HS6ST3: variants seen among roughly 807,000 people sequenced by gnomAD.
HS6ST3 encodes heparan-sulfate 6-O-sulfotransferase 3.
HS6ST3 carries 12 observed loss-of-function variants against 36.7 expected under a neutral mutation model. The ratio of observed to expected loss-of-function variants is 0.33; its 90% CI spans 0.21 to 0.53. The LOEUF (loss-of-function observed/expected upper bound fraction) is 0.53, where lower values mean the gene tolerates loss of function less well. Ranked by LOEUF, HS6ST3 falls within the 20% of genes least tolerant of loss-of-function variation. The probability of loss-of-function intolerance (pLI) is 0.95; values close to 1 mark genes in which losing one functional copy is unlikely to be tolerated. For synonymous variants in HS6ST3, 240 were observed against 257.5 expected (o/e 0.93, Z 0.65); for missense variants, 584 against 640.9 (o/e 0.91, Z 0.96).
intron 1 of HS6ST3, among the ~76,000 whole-genome samples, chr13:96,601,883 T>C (rs2056422953): frequency 6.6e-6 from 1 of 152,188 alleles, no homozygotes; most frequent in African/African-American, 2.4e-5. Context: ...CTGTATAAGT[T>C]CGTTGTTTAT....
intron 1 of HS6ST3, among the ~76,000 whole-genome samples, chr13:96,450,143 G>A (rs1201557689): frequency 1.3e-5 from 2 of 152,124 alleles, no homozygotes; most frequent in Admixed American, 1.3e-4. Flanking sequence ...TTGCTCAATG[G>A]CAGGTCAGTG....
At chr13:96,437,660 A>T (rs191878698) in intron 1 of HS6ST3, among the ~76,000 whole-genome samples, 1 of 152,334 alleles carries the variant, frequency 6.6e-6, no homozygotes, top group Non-Finnish European at 1.5e-5. Flanking sequence ...TTCAGAAATG[A>T]GGGGGACATT....
chr13:96,578,558 CTTATTTAT>C (rs1157270064), intron 1 of HS6ST3, among the ~76,000 whole-genome samples: 2 of 151,858 alleles, frequency 1.3e-5, no homozygotes, highest in Non-Finnish European at 2.9e-5. Flanking sequence ...CTTTTATTTA[CTTATTTAT>C]TTATTTATTT....
chr13:96,499,723 A>G (rs959457062), intron 1 of HS6ST3, among the ~76,000 whole-genome samples: 1 of 152,100 alleles, frequency 6.6e-6, no homozygotes, highest in Non-Finnish European at 1.5e-5. Context: ...GACCTGTGCA[A>G]TGAGGCCCAG....
chr13:96,123,552 C>T (rs937618455), intron 1 of HS6ST3, among the ~76,000 whole-genome samples: 5 of 152,112 alleles, frequency 3.3e-5, no homozygotes, highest in Non-Finnish European at 5.9e-5. Flanking sequence ...TTTCCTTTGT[C>T]TTATGTCAAC....
intron 1 of HS6ST3, among the ~76,000 whole-genome samples, chr13:96,434,140 A>C (rs994548743): frequency 6.6e-6 from 1 of 152,292 alleles, no homozygotes; most frequent in Non-Finnish European, 1.5e-5. Context: ...TCAGACTTTT[A>C]GCCTCCAAAT....
intron 1 of HS6ST3, among the ~76,000 whole-genome samples, chr13:96,294,146 A>G (rs948546176): frequency 1.3e-5 from 2 of 152,088 alleles, no homozygotes; most frequent in Admixed American, 6.6e-5. Context: ...ATTCTCTCTT[A>G]TTACACAGAG....
intron 1 of HS6ST3, among the ~76,000 whole-genome samples, chr13:96,546,474 G>A (rs1388541845): frequency 6.6e-6 from 1 of 152,132 alleles, no homozygotes; most frequent in Non-Finnish European, 1.5e-5. Flanking sequence ...AAATATGTAT[G>A]GAGGAGTTGG....
At chr13:96,543,357 G>C (rs900880583) in intron 1 of HS6ST3, among the ~76,000 whole-genome samples, 1 of 152,152 alleles carries the variant, frequency 6.6e-6, no homozygotes, top group Non-Finnish European at 1.5e-5. Context: ...GATCCAAATA[G>C]ACACTCAGCC....
At chr13:96,731,508 T>C (rs943158338) in intron 1 of HS6ST3, among the ~76,000 whole-genome samples, 1 of 152,178 alleles carries the variant, frequency 6.6e-6, no homozygotes, top group Non-Finnish European at 1.5e-5. Flanking sequence ...GATACTTAGG[T>C]TGATTCTGTA....
chr13:96,775,154 G>C (rs1199284741), intron 1 of HS6ST3, among the ~76,000 whole-genome samples: 1 of 151,978 alleles, frequency 6.6e-6, no homozygotes, highest in Non-Finnish European at 1.5e-5. Flanking sequence ...TCACTACCAG[G>C]CATGCCTTAT....
intron 1 of HS6ST3, among the ~76,000 whole-genome samples, chr13:96,303,896 A>G (rs2054895730): frequency 6.6e-6 from 1 of 152,168 alleles, no homozygotes. Context: ...TAATCCCAGT[A>G]GTTTGAGAGG....
chr13:96,263,671 T>A (rs1339916979), intron 1 of HS6ST3, among the ~76,000 whole-genome samples: 4 of 152,230 alleles, frequency 2.6e-5, no homozygotes, highest in African/African-American at 9.6e-5. Flanking sequence ...TTCTTAAGTA[T>A]TTAATGAATC....
At chr13:96,811,001 A>C (rs1878305903) in intron 1 of HS6ST3, among the ~76,000 whole-genome samples, 1 of 152,188 alleles carries the variant, frequency 6.6e-6, no homozygotes, top group South Asian at 2.1e-4. Flanking sequence ...AATTCTCTAG[A>C]GATCCCCCCT....
intron 1 of HS6ST3, among the ~76,000 whole-genome samples, chr13:96,162,656 A>G (rs1240089694): frequency 6.6e-6 from 1 of 152,218 alleles, no homozygotes; most frequent in Non-Finnish European, 1.5e-5. Context: ...TTGATATACA[A>G]TTGTTGTACT....
At chr13:96,095,037 G>A (rs2053783088) in intron 1 of HS6ST3, among the ~76,000 whole-genome samples, 1 of 152,162 alleles carries the variant, frequency 6.6e-6, no homozygotes, top group South Asian at 2.1e-4. Flanking sequence ...TGGCTAAAAA[G>A]GATTGAAGAG....
chr13:96,725,220 C>T (rs1003063879), intron 1 of HS6ST3, among the ~76,000 whole-genome samples: 1 of 152,106 alleles, frequency 6.6e-6, no homozygotes, highest in Non-Finnish European at 1.5e-5. Flanking sequence ...TATTGTTTTT[C>T]ATTTTTAATT....
intron 1 of HS6ST3, among the ~76,000 whole-genome samples, chr13:96,287,535 A>G (rs924825187): frequency 2.6e-5 from 4 of 152,186 alleles, no homozygotes; most frequent in African/African-American, 7.2e-5. Context: ...TAAAATTTAA[A>G]GTAACATTGG....
At chr13:96,292,211 TG>T (rs2054833480) in intron 1 of HS6ST3, among the ~76,000 whole-genome samples, 3 of 18,728 alleles carry the variant, frequency 1.6e-4, no homozygotes, top group African/African-American at 4.4e-4. Flanking sequence ...TTAGAGTAAA[TG>T]TGTGTGTGTG....
Sources: allele counts gnomAD v4.1 joint callset (sites outside exome capture counted in the v4.1 genomes callset), GRCh38; gene constraint gnomAD v4.1.1; transcripts MANE v1.5; gene names NCBI Gene and HGNC (gene_info 2026-07-23, HGNC 2026-07-21).